Variants in DMD observed in about 807,000 individuals in gnomAD.
DMD encodes dystrophin.
In DMD, 63 loss-of-function variants were observed where a neutral mutation model predicts 330.1. That is an observed-to-expected ratio of 0.19 (90% CI 0.16 to 0.24). The LOEUF is 0.24. Among genes scored for constraint, DMD ranks in the 10% least tolerant of loss-of-function variants. DMD has a pLI of 1.00. For missense variants in DMD, 3,344 were observed against 2,684.1 expected, an observed-to-expected ratio of 1.25 and a Z score of -5.43; for synonymous variants, 1,223 against 959.8, an observed-to-expected ratio of 1.27 and a Z score of -5.07.
chrX:32,994,932 G>C (rs1032313583), intron 2 of DMD, among the ~76,000 whole-genome samples: 8 of 111,735 alleles, frequency 7.2e-5, no homozygotes, highest in African/African-American at 2.6e-4. Context: ...GGGCAACATA[G>C]GGGACCCCCA....
At chrX:32,226,136 C>A (rs1445267228) in intron 43 of DMD, among the ~76,000 whole-genome samples, 1 of 111,673 alleles carries the variant, frequency 9.0e-6, no homozygotes, top group East Asian at 2.8e-4. Context: ...TTTTCCTCAG[C>A]ATATTCCAAC....
At chrX:33,255,563 C>G (rs1231442657) in intron 1 of DMD, among the ~76,000 whole-genome samples, 1 of 110,292 alleles carries the variant, frequency 9.1e-6, no homozygotes, top group Non-Finnish European at 1.9e-5. Flanking sequence ...GAAAAGAACA[C>G]TGAGAGGGAG....
chrX:32,922,521 T>C (rs1231844105), intron 2 of DMD, among the ~76,000 whole-genome samples: 1 of 111,905 alleles, frequency 8.9e-6, no homozygotes, highest in Non-Finnish European at 1.9e-5. Flanking sequence ...GGGGAGATGG[T>C]TTGGGAATGA....
At chrX:32,373,782 T>C (rs773546567) in intron 34 of DMD, among the ~76,000 whole-genome samples, 8 of 111,670 alleles carry the variant, frequency 7.2e-5, no homozygotes, top group Non-Finnish European at 1.5e-4. Context: ...TTCTTCTCTA[T>C]TAGGAAGCTC....
intron 44 of DMD, among the ~76,000 whole-genome samples, chrX:32,130,084 A>G (rs114483420): frequency 0.047 from 5,005 of 107,172 alleles, 322 homozygotes; most frequent in African/African-American, 0.16. Context: ...TCAGTGACAT[A>G]TAGGTCAGGG....
At chrX:32,204,779 G>C (rs2097056531) in intron 44 of DMD, among the ~76,000 whole-genome samples, 1 of 109,673 alleles carries the variant, frequency 9.1e-6, no homozygotes, top group Admixed American at 9.8e-5. Context: ...GGAAGGCAAA[G>C]GGGAGAGCAG....
chrX:31,728,324 C>T (rs974211380), intron 52 of DMD, among the ~76,000 whole-genome samples: 4 of 112,166 alleles, frequency 3.6e-5, no homozygotes, highest in African/African-American at 1.3e-4. Context: ...CGCGCCCGGC[C>T]GAGTAACTGT....
intron 54 of DMD, among the ~76,000 whole-genome samples, chrX:31,634,619 C>T (rs924535322): frequency 1.9e-4 from 21 of 111,273 alleles, no homozygotes; most frequent in Admixed American, 1.7e-3. Context: ...TTATCAATCA[C>T]GTAAGGAATT....
intron 60 of DMD, among the ~76,000 whole-genome samples, chrX:31,415,382 C>T (rs1450900315): frequency 8.9e-6 from 1 of 112,093 alleles, no homozygotes; most frequent in East Asian, 2.8e-4. Context: ...TTACCCCAGT[C>T]GTCTTCCAGA....
chrX:31,593,778 T>C (rs2076985760), intron 55 of DMD, among the ~76,000 whole-genome samples: 1 of 110,556 alleles, frequency 9.0e-6, no homozygotes, highest in Non-Finnish European at 1.9e-5. Context: ...TTAAAAATCA[T>C]TGTTAAAGTG....
intron 34 of DMD, among the ~76,000 whole-genome samples, chrX:32,366,197 G>A (rs2097853956): frequency 8.9e-6 from 1 of 112,041 alleles, no homozygotes. Flanking sequence ...TTTACTACCT[G>A]CCCTGCATAA....
chrX:32,020,430 A>G (rs1345481740), intron 44 of DMD, among the ~76,000 whole-genome samples: 3 of 112,346 alleles, frequency 2.7e-5, no homozygotes, highest in Non-Finnish European at 5.6e-5. Context: ...CCTCAACCCC[A>G]TTCATATGTT....
intron 52 of DMD, among the ~76,000 whole-genome samples, chrX:31,715,377 T>G (rs2148933580): frequency 1.9e-5 from 2 of 104,675 alleles, no homozygotes; most frequent in East Asian, 3.0e-4. Flanking sequence ...ACCCCGTCTC[T>G]ACTAAAAATA....
At chrX:31,392,241 G>A (rs913536957) in intron 60 of DMD, among the ~76,000 whole-genome samples, 3 of 112,187 alleles carry the variant, frequency 2.7e-5, no homozygotes, top group African/African-American at 9.7e-5. Context: ...TAACCATCGC[G>A]TGACAATTCC....
intron 62 of DMD, among the ~76,000 whole-genome samples, chrX:31,289,745 A>T: frequency 9.0e-6 from 1 of 111,347 alleles, no homozygotes; most frequent in East Asian, 2.8e-4. Flanking sequence ...ATATTCTTTT[A>T]AAATTAAATG....
intron 55 of DMD, among the ~76,000 whole-genome samples, chrX:31,587,975 G>T (rs1188947591): frequency 9.0e-6 from 1 of 110,828 alleles, no homozygotes; most frequent in East Asian, 2.8e-4. Flanking sequence ...CAAAATCATG[G>T]AAGAACTTTG....
At chrX:33,171,047 C>T (rs714656) in intron 1 of DMD, among the ~76,000 whole-genome samples, 1,758 of 111,555 alleles carry the variant, frequency 0.016, 32 homozygotes, top group African/African-American at 0.054. Flanking sequence ...ATCCTTCTGA[C>T]AATATAACAC....
chrX:32,568,456 G>A (rs1270747269), intron 15 of DMD, among the ~76,000 whole-genome samples: 1 of 105,631 alleles, frequency 9.5e-6, no homozygotes. Flanking sequence ...GCCCTGAGCC[G>A]AGATCACACC....
intron 53 of DMD, among the ~76,000 whole-genome samples, chrX:31,664,542 T>TTTTTC (rs1213055110): frequency 9.5e-6 from 1 of 105,623 alleles, no homozygotes; most frequent in Non-Finnish European, 1.9e-5. Flanking sequence ...TTTTTTTTTT[T>TTTTTC]TTTTTGCCTG....
Sources: allele counts gnomAD v4.1 joint callset (sites outside exome capture counted in the v4.1 genomes callset), GRCh38; gene constraint gnomAD v4.1.1; transcripts MANE v1.5; gene names NCBI Gene and HGNC (gene_info 2026-07-23, HGNC 2026-07-21).